CDC42BPB: variants seen among roughly 807,000 people sequenced by gnomAD.
The protein encoded by CDC42BPB is serine/threonine-protein kinase MRCK beta.
CDC42BPB carries 37 observed loss-of-function variants against 214.9 expected under a neutral mutation model. The observed-to-expected ratio is 0.17, with a 90% CI of 0.13 to 0.23. The LOEUF is 0.23. Ranked by LOEUF, CDC42BPB falls within the 10% of genes least tolerant of loss-of-function variation. The pLI, the probability that CDC42BPB is intolerant of heterozygous loss-of-function variation, is 1.00. For missense variants in CDC42BPB, 1,694 were observed against 2,227.0 expected, an observed-to-expected ratio of 0.76 and a Z score of 4.82; for synonymous variants, 931 against 884.0, an observed-to-expected ratio of 1.05 and a Z score of -0.94.
At chr14:103,036,828 AT>A (rs1415311585) in intron 1 of CDC42BPB, among the ~76,000 whole-genome samples, 1 of 152,016 alleles carries the variant, frequency 6.6e-6, no homozygotes, top group Non-Finnish European at 1.5e-5. Flanking sequence ...TATTTTATTT[AT>A]TTACTGAGAT....
chr14:103,056,355 A>G (rs942014186), intron 1 of CDC42BPB, among the ~76,000 whole-genome samples: 4 of 152,162 alleles, frequency 2.6e-5, no homozygotes, highest in Non-Finnish European at 4.4e-5. Context: ...CAAAGTAGGT[A>G]TTCAGGCTCT....
chr14:103,037,090 C>G (rs556847322), intron 1 of CDC42BPB, among the ~76,000 whole-genome samples: 1 of 146,692 alleles, frequency 6.8e-6, no homozygotes, highest in Non-Finnish European at 1.5e-5. Flanking sequence ...CTGGCCATCT[C>G]AGACTTTTAG....
chr14:103,002,016 AGT>A (rs1268429175), intron 4 of CDC42BPB, among the ~76,000 whole-genome samples: 1 of 152,234 alleles, frequency 6.6e-6, no homozygotes, highest in Non-Finnish European at 1.5e-5. Context: ...GAGTTAAGCC[AGT>A]AAGTTTTAGT....
At chr14:102,947,147 TTTCTGAA>T (rs1892219197) in intron 27 of CDC42BPB, among the ~76,000 whole-genome samples, 1 of 152,178 alleles carries the variant, frequency 6.6e-6, no homozygotes, top group Non-Finnish European at 1.5e-5. Flanking sequence ...GACAGGGTTG[TTTCTGAA>T]TAGAGCTGTG....
intron 19 of CDC42BPB, among the ~76,000 whole-genome samples, chr14:102,964,244 C>T (rs968465990): frequency 2.6e-5 from 4 of 152,278 alleles, no homozygotes; most frequent in Admixed American, 6.5e-5. Context: ...CACCCGCTGC[C>T]GTCAAAACAC....
intron 5 of CDC42BPB, among the ~76,000 whole-genome samples, chr14:102,990,988 A>G (rs1894465641): frequency 6.6e-6 from 1 of 152,204 alleles, no homozygotes; most frequent in Non-Finnish European, 1.5e-5. Context: ...GTGGGTCTGG[A>G]GTTTGTGAGT....
intron 2 of CDC42BPB, among the ~76,000 whole-genome samples, chr14:103,009,181 C>T (rs1014141925): frequency 4.6e-5 from 7 of 152,238 alleles, no homozygotes; most frequent in Admixed American, 4.6e-4. Flanking sequence ...CAATGGCAAG[C>T]AGCCAGCATG....
intron 1 of CDC42BPB, among the ~76,000 whole-genome samples, chr14:103,038,939 G>A (rs1259905185): frequency 1.3e-5 from 2 of 152,052 alleles, no homozygotes; most frequent in Non-Finnish European, 2.9e-5. Flanking sequence ...GGAAATAAAA[G>A]AAGGGACACT....
chr14:102,967,668 C>T (rs536247895), intron 16 of CDC42BPB, among the ~76,000 whole-genome samples: 57 of 152,294 alleles, frequency 3.7e-4, no homozygotes, highest in Non-Finnish European at 7.5e-4. Context: ...TAGCACAATG[C>T]TAAGTATCTG....
In CDC42BPB at chr14:103,057,428, C is replaced by T. The variant is rs1889050558; in HGVS notation, c.-255G>A. The T allele has an allele frequency of 3.2e-6, 2 of 620,064 alleles. No individual in the cohort carries two copies. Among genetic ancestry groups the T allele is most frequent in the Non-Finnish European group, 4.0e-6 (2 of 497,760 alleles). The allele number at this position is 620,064 out of a possible 1,614,324, so 38.4% of individuals were successfully genotyped here. ...CCTCGGCGCCGCCGCCCTCCCAGCT[C>T]GGGCGGCCCGCCCCCGCCGCCCTCA... On this transcript the variant is annotated 5_prime_UTR_variant, in exon 1 of 37. Transcript: ENST00000361246.
chr14:103,051,765 C>A (rs1888620716), intron 1 of CDC42BPB, among the ~76,000 whole-genome samples: 1 of 152,240 alleles, frequency 6.6e-6, no homozygotes, highest in Non-Finnish European at 1.5e-5. Context: ...TTCTTCAAAT[C>A]CAATTTTATT....
chr14:102,939,382 C>A (rs1467582063), intron 34 of CDC42BPB, among the ~76,000 whole-genome samples: 1 of 152,250 alleles, frequency 6.6e-6, no homozygotes, highest in Admixed American at 6.5e-5. Flanking sequence ...GTACCTGCAG[C>A]ATCACTGCCC....
intron 20 of CDC42BPB, among the ~76,000 whole-genome samples, chr14:102,960,810 G>C (rs150945795): frequency 6.6e-6 from 1 of 152,150 alleles, no homozygotes; most frequent in Admixed American, 6.5e-5. Context: ...AGATAAAACT[G>C]GATACACTCC....
intron 8 of CDC42BPB, among the ~76,000 whole-genome samples, chr14:102,979,145 A>T (rs1893886838): frequency 6.6e-6 from 1 of 152,174 alleles, no homozygotes; most frequent in South Asian, 2.1e-4. Context: ...ATGTGGTCTG[A>T]AGTTCAGCCT....
chr14:102,976,550 G>A (rs34672190), intron 9 of CDC42BPB, among the ~76,000 whole-genome samples: 6 of 152,228 alleles, frequency 3.9e-5, no homozygotes, highest in Non-Finnish European at 7.3e-5. Context: ...CAGACCACTC[G>A]ATGACGCACA....
intron 6 of CDC42BPB, 118 bp from the exon 7 acceptor site, chr14:102,983,874 A>G: frequency 6.8e-7 from 1 of 1,461,732 alleles, no homozygotes; most frequent in Non-Finnish European, 9.0e-7. Flanking sequence ...AATAAAACTG[A>G]TGAATGATCG....
intron 19 of CDC42BPB, among the ~76,000 whole-genome samples, chr14:102,963,999 A>G (rs1449936300): frequency 3.9e-5 from 1 of 25,806 alleles, no homozygotes; most frequent in Non-Finnish European, 1.4e-4. Context: ...GGAGACTCTC[A>G]GCAAATACTG....
chr14:102,950,076 T>A (rs1892415635), intron 25 of CDC42BPB, 172 bp from the exon 26 acceptor site: 1 of 985,328 alleles, frequency 1.0e-6, no homozygotes, highest in Non-Finnish European at 1.2e-6. Flanking sequence ...GGTCCATGCG[T>A]GGCAGCAGAC....
Position 103,057,063 on chromosome 14 carries a change from C to G in CDC42BPB, c.111G>C (p.Leu37=), listed in dbSNP as rs1319506089. 3 of 1,524,224 alleles carry G rather than the reference C, an allele frequency of 2.0e-6. No individual in the cohort carries two copies. Among genetic ancestry groups the G allele is most frequent in the Non-Finnish European group, 8.8e-7 (1 of 1,140,894 alleles). The allele number at this position is 1,524,224 out of a possible 1,614,324, so 94.4% of individuals were successfully genotyped here. The change falls in exon 1 of 37, where the codon CTG becomes CTC. Residue 37 remains leucine, a synonymous_variant. Transcript: ENST00000361246. ...GGGCCGAGTGGCTGCACTCGGTGTA[C>G]AGGCAGACGAGCACGTCGAGCAGCG... The part of the protein sequence containing the change: ...VETLLDVLVC[L]YTECSHSALR...
Sources: allele counts gnomAD v4.1 joint callset (sites outside exome capture counted in the v4.1 genomes callset), GRCh38; gene constraint gnomAD v4.1.1; transcripts MANE v1.5; gene names NCBI Gene and HGNC (gene_info 2026-07-23, HGNC 2026-07-21).